Variants in ELFN1 observed in about 807,000 individuals in gnomAD.
The protein encoded by ELFN1 is protein ELFN1.
In ELFN1, 6 loss-of-function variants were observed where a neutral mutation model predicts 7.6. The ratio of observed to expected loss-of-function variants is 0.79; its 90% CI spans 0.43 to 1.56. The LOEUF (loss-of-function observed/expected upper bound fraction) is 1.56, where lower values mean the gene tolerates loss of function less well. Ranked by LOEUF, ELFN1 falls within the 40% of genes most tolerant of loss-of-function variation. The probability of loss-of-function intolerance (pLI) is 0.01; values close to 1 mark genes in which losing one functional copy is unlikely to be tolerated. For synonymous variants in ELFN1, 657 were observed against 588.1 expected (o/e 1.12, Z -1.70); for missense variants, 1,169 against 1,232.2 (o/e 0.95, Z 0.77).
At chr7:1,689,451 T>G (rs1228138295) in intron 2 of ELFN1, among the ~76,000 whole-genome samples, 1 of 152,186 alleles carries the variant, frequency 6.6e-6, no homozygotes, top group Non-Finnish European at 1.5e-5. Context: ...CCCAAGCCAC[T>G]GGTTGCTAAG....
At chr7:1,667,858 G>A (rs1778693372), upstream of ELFN1, among the ~76,000 whole-genome samples, 1 of 151,974 alleles carries the variant, frequency 6.6e-6, no homozygotes, top group African/African-American at 2.4e-5. This position sits in a 1 kb window ranked among gnomAD's most constrained non-coding sequence, Gnocchi z 8.2. Context: ...CGGCGCCGGC[G>A]TCCGGGTAAC....
intron 1 of ELFN1, among the ~76,000 whole-genome samples, chr7:1,683,315 T>A (rs1356126815): frequency 6.6e-6 from 1 of 152,218 alleles, no homozygotes; most frequent in African/African-American, 2.4e-5. Context: ...TTTTTTAACT[T>A]GTTATGTCTT....
At chr7:1,727,437 G>A (rs115392309) in intron 3 of ELFN1, among the ~76,000 whole-genome samples, 2,427 of 152,236 alleles carry the variant, frequency 0.016, 62 homozygotes, top group African/African-American at 0.055. Flanking sequence ...CATGAGAGGG[G>A]CAGGGAAAGG....
intron 3 of ELFN1, among the ~76,000 whole-genome samples, chr7:1,718,486 C>T (rs534158049): frequency 2.0e-5 from 3 of 152,298 alleles, no homozygotes; most frequent in Non-Finnish European, 4.4e-5. Flanking sequence ...GGCCGAAAGC[C>T]TTTCTTGCTA....
At chr7:1,714,106 C>T (rs1486499534) in intron 3 of ELFN1, among the ~76,000 whole-genome samples, 1 of 152,196 alleles carries the variant, frequency 6.6e-6, no homozygotes, top group Admixed American at 6.5e-5. Context: ...GTTAGTGGCT[C>T]AGTGACCAGG....
chr7:1,723,087 G>C (rs190776583), intron 3 of ELFN1, among the ~76,000 whole-genome samples: 1 of 152,142 alleles, frequency 6.6e-6, no homozygotes, highest in South Asian at 2.1e-4. Flanking sequence ...CCAGCTACTC[G>C]GGAGGCTGAG....
Position 1,746,510 on chromosome 7 carries a change from C to G in ELFN1, c.1914C>G (p.Ala638=), listed in dbSNP as rs1300562465. The part of the protein sequence containing the change: ...HSVEAAGPPR[A]STSSSGSVRS... ...TGGAGGCCGCCGGGCCCCCTCGTGC[C>G]AGCACCTCGTCCAGCGGCTCCGTGC... The change falls in exon 4 of 4, where the codon GCC becomes GCG. Residue 638 remains alanine, a synonymous_variant. Transcript: ENST00000424383. 3.4e-6 allele frequency: 5 copies of G among 1,479,880 alleles called. No individual in the cohort carries two copies. The South Asian group carries it at 5.3e-5, about 16-fold the overall frequency. 91.7% of individuals were successfully genotyped at this position (1,479,880 alleles called of 1,614,324 possible).
intron 3 of ELFN1, among the ~76,000 whole-genome samples, chr7:1,729,583 A>T (rs1780282348): frequency 6.6e-6 from 1 of 152,192 alleles, no homozygotes; most frequent in Non-Finnish European, 1.5e-5. Flanking sequence ...CCCAGGACGG[A>T]CACGGCTTCG....
chr7:1,735,687 C>T lies in ELFN1; in HGVS notation c.-293-8617C>T, dbSNP rs911065249. Reference sequence around the variant, plus strand: ...GGCCCCCCTCTGTGGGCACCAGGTCCGGCAACTGTGCTGAAGGAAAACCCA... The same window carrying T: ...GGCCCCCCTCTGTGGGCACCAGGTCTGGCAACTGTGCTGAAGGAAAACCCA... On this transcript the variant is annotated intron_variant, in intron 3 of 3. Coordinates refer to ENST00000424383, the MANE Select transcript of ELFN1 (RefSeq NM_001128636.4). The surrounding 1 kb of genome is among the most constrained non-coding windows in gnomAD (Gnocchi z 5.9). Among the ~76,000 whole-genome samples the T allele has an allele frequency of 3.3e-5, 5 of 152,122 alleles. No homozygotes were observed. Among genetic ancestry groups the T allele is most frequent in the African/African-American group, 7.2e-5 (3 of 41,420 alleles).
intron 2 of ELFN1, among the ~76,000 whole-genome samples, chr7:1,702,074 A>C (rs1779438514): frequency 6.6e-6 from 1 of 152,058 alleles, no homozygotes; most frequent in African/African-American, 2.4e-5. Flanking sequence ...GTCTAATCTT[A>C]TAATAATATC....
At chr7:1,719,649 T>G (rs1195984491) in intron 3 of ELFN1, among the ~76,000 whole-genome samples, 2 of 152,060 alleles carry the variant, frequency 1.3e-5, no homozygotes, top group Non-Finnish European at 2.9e-5. Context: ...CCTTTCCAGA[T>G]CTGTTGGCAG....
chr7:1,737,026 G>A (rs1004694805), intron 3 of ELFN1, among the ~76,000 whole-genome samples: 4 of 151,380 alleles, frequency 2.6e-5, no homozygotes, highest in South Asian at 2.1e-4. Context: ...CCCACCTCCC[G>A]CCCAGCATTG....
rs1562369964 is a variant in ELFN1, at chr7:1,711,616, GA to G, written c.-294+2365del. Among the ~76,000 whole-genome samples, 320 of 147,776 alleles carry G rather than the reference GA, an allele frequency of 2.2e-3. 4 individuals carry two copies. The highest frequency in any genetic ancestry group is 7.9e-3 in the African/African-American group (305 of 38,440). ...AGAGAGAGAGAGAGAGAGAGAGAGA[GA>G]GAGAGAGAGAATGAGACAAGGGAGA... On this transcript the variant is annotated intron_variant, in intron 3 of 3. Transcript: ENST00000424383.
intron 2 of ELFN1, among the ~76,000 whole-genome samples, chr7:1,700,241 AG>A (rs1444208159): frequency 2.0e-5 from 3 of 150,298 alleles, no homozygotes; most frequent in Non-Finnish European, 4.5e-5. Flanking sequence ...CATCTGAGCC[AG>A]GGAAAGAATA....
At chr7:1,684,424 T>G (rs1295923431) in intron 1 of ELFN1, among the ~76,000 whole-genome samples, 1 of 152,174 alleles carries the variant, frequency 6.6e-6, no homozygotes, top group Non-Finnish European at 1.5e-5. Context: ...AGTCTGACAA[T>G]CTCTGCTTTT....
upstream of ELFN1, among the ~76,000 whole-genome samples, chr7:1,668,497 C>T (rs1042827917): frequency 6.6e-6 from 1 of 152,236 alleles, no homozygotes; most frequent in African/African-American, 2.4e-5. Context: ...TAGGCTGGGG[C>T]CCGGAGCCCG....
chr7:1,729,723 G>A (rs555335246), intron 3 of ELFN1, among the ~76,000 whole-genome samples: 1 of 152,348 alleles, frequency 6.6e-6, no homozygotes, highest in South Asian at 2.1e-4. Flanking sequence ...AGACGCAGCT[G>A]TCTTTTGCAG....
intron 3 of ELFN1, among the ~76,000 whole-genome samples, chr7:1,720,569 T>C (rs1338532196): frequency 6.6e-6 from 1 of 152,202 alleles, no homozygotes; most frequent in Non-Finnish European, 1.5e-5. Flanking sequence ...AGGCAGGTGG[T>C]AGACCAGATG....
At chr7:1,727,782 A>AT (rs1780236690) in intron 3 of ELFN1, among the ~76,000 whole-genome samples, 1 of 151,828 alleles carries the variant, frequency 6.6e-6, no homozygotes, top group African/African-American at 2.4e-5. Flanking sequence ...CTGATTTCTT[A>AT]TTTTTTGCAT....
Sources: gnomAD v4.1 joint callset for allele counts (sites outside exome capture counted in the v4.1 genomes callset) on GRCh38, gnomAD v4.1.1 for gene constraint, Gnocchi (gnomAD v3.1) non-coding constraint, MANE v1.5 for transcripts, NCBI Gene and HGNC (gene_info 2026-07-23, HGNC 2026-07-21) for gene names.